Variants in THSD4 observed in about 807,000 individuals in gnomAD.
THSD4 encodes the protein thrombospondin type-1 domain-containing protein 4.
In THSD4, 69 loss-of-function variants were observed where a neutral mutation model predicts 119.0. The ratio of observed to expected loss-of-function variants is 0.58; its 90% CI spans 0.48 to 0.71. The LOEUF (loss-of-function observed/expected upper bound fraction) is 0.71, where lower values mean the gene tolerates loss of function less well. THSD4 is among the 30% of genes least tolerant of loss of function. THSD4 has a pLI of 0.00. For synonymous variants in THSD4, 524 were observed against 540.4 expected (o/e 0.97, Z 0.42); for missense variants, 1,393 against 1,391.1 (o/e 1.00, Z -0.02).
intron 7 of THSD4, chr15:71,547,129 T>C (rs1052911842): frequency 9.5e-7 from 1 of 1,056,728 alleles, no homozygotes; most frequent in Non-Finnish European, 1.2e-6. Context: ...GTCCCTCCCC[T>C]TTCTGCTTTC....
At chr15:71,482,809 A>G (rs2047753744) in intron 7 of THSD4, among the ~76,000 whole-genome samples, 1 of 141,676 alleles carries the variant, frequency 7.1e-6, no homozygotes, top group Admixed American at 7.2e-5. Flanking sequence ...CTGGTCTCAA[A>G]CTCCTGTCCT....
chr15:71,111,436 G>A, upstream of THSD4: 2 of 1,588,112 alleles, frequency 1.3e-6, no homozygotes, highest in Admixed American at 1.8e-5. Flanking sequence ...CCTGGAGGAG[G>A]AAGAAAAAGG....
chr15:71,730,428 G>A (rs2052954676), intron 9 of THSD4: 1 of 152,206 alleles, frequency 6.6e-6, no homozygotes, highest in Admixed American at 6.5e-5. Context: ...TATTCTGTTG[G>A]GCCATGCTCA....
chr15:71,131,094 C>G (rs2141361607), intron 1 of THSD4, among the ~76,000 whole-genome samples: 1 of 152,278 alleles, frequency 6.6e-6, no homozygotes, highest in East Asian at 1.9e-4. Context: ...CTCTAAGTAG[C>G]TGTGATACCT....
At chr15:71,138,970 T>TTCCCCCC (rs2040576688) in intron 1 of THSD4, among the ~76,000 whole-genome samples, 1 of 140,826 alleles carries the variant, frequency 7.1e-6, no homozygotes, top group African/African-American at 3.1e-5. Context: ...ACAAACAGTA[T>TTCCCCCC]CCCTCCCCCC....
intron 7 of THSD4, among the ~76,000 whole-genome samples, chr15:71,608,919 G>A (rs1447162395): frequency 1.3e-5 from 2 of 152,298 alleles, no homozygotes; most frequent in Non-Finnish European, 1.5e-5. Context: ...TTAGTAAGGC[G>A]GTCAGAACCA....
At chr15:71,286,674 G>A (rs1232863964) in intron 6 of THSD4, among the ~76,000 whole-genome samples, 1 of 152,198 alleles carries the variant, frequency 6.6e-6, no homozygotes, top group Admixed American at 6.5e-5. Context: ...ACCCAGTAAT[G>A]GGATTGCTGG....
At chr15:71,543,921 G>T (rs886728642) in intron 7 of THSD4, among the ~76,000 whole-genome samples, 2 of 152,158 alleles carry the variant, frequency 1.3e-5, no homozygotes, top group African/African-American at 4.8e-5. Context: ...CCAGCTACTC[G>T]GGAGGCTGAG....
intron 6 of THSD4, among the ~76,000 whole-genome samples, chr15:71,370,726 G>A (rs143399299): frequency 6.6e-6 from 1 of 152,304 alleles, no homozygotes; most frequent in African/African-American, 2.4e-5. Context: ...TAGAATAAGT[G>A]CAATGTGGTG....
At chr15:71,730,825 C>G in intron 9 of THSD4, 1 of 375,326 alleles carries the variant, frequency 2.7e-6, no homozygotes, top group South Asian at 2.8e-5. Context: ...AATCTAAGGA[C>G]AGAAAGGTTC....
At chr15:71,105,655 G>A (rs1463679591) in intron 1 of THSD4, among the ~76,000 whole-genome samples, 4 of 152,138 alleles carry the variant, frequency 2.6e-5, no homozygotes, top group Admixed American at 6.5e-5. Context: ...CCAGGACCAC[G>A]GACAAAGACC....
At chr15:71,750,939 A>C (rs1289891678) in intron 14 of THSD4, among the ~76,000 whole-genome samples, 1 of 152,232 alleles carries the variant, frequency 6.6e-6, no homozygotes, top group East Asian at 1.9e-4. Flanking sequence ...AATCCTCTGC[A>C]GTGCCCCTGA....
intron 8 of THSD4, among the ~76,000 whole-genome samples, chr15:71,685,925 T>C (rs1265401555): frequency 1.3e-5 from 2 of 152,246 alleles, no homozygotes; most frequent in African/African-American, 2.4e-5. Flanking sequence ...CTTTCAGATA[T>C]ACTTTTCCAA....
At chr15:71,496,748 G>C (rs2048023495) in intron 7 of THSD4, among the ~76,000 whole-genome samples, 1 of 152,202 alleles carries the variant, frequency 6.6e-6, no homozygotes, top group African/African-American at 2.4e-5. Flanking sequence ...TGTCCTTAGG[G>C]AGAAGGGGAG....
At chr15:71,326,994 C>T (rs1424945986) in intron 6 of THSD4, among the ~76,000 whole-genome samples, 2 of 151,502 alleles carry the variant, frequency 1.3e-5, no homozygotes, top group Admixed American at 1.3e-4. Flanking sequence ...ATGGTGAAAC[C>T]TTGTCTCTAC....
At chr15:71,547,236 A>G in intron 7 of THSD4, 1 of 1,395,870 alleles carries the variant, frequency 7.2e-7, no homozygotes, top group East Asian at 2.7e-5. Context: ...AGTTTTCTTC[A>G]GAACAGAGGC....
chr15:71,506,925 T>C (rs574732341), intron 7 of THSD4, among the ~76,000 whole-genome samples: 1 of 152,360 alleles, frequency 6.6e-6, no homozygotes, highest in East Asian at 1.9e-4. Flanking sequence ...TTAGTTTGGT[T>C]CATCTGTAAG....
intron 7 of THSD4, among the ~76,000 whole-genome samples, chr15:71,652,399 T>C (rs2051110050): frequency 6.6e-6 from 1 of 152,222 alleles, no homozygotes; most frequent in African/African-American, 2.4e-5. Context: ...TCTAGTATTC[T>C]ATACAAAAAT....
intron 6 of THSD4, among the ~76,000 whole-genome samples, chr15:71,296,351 G>A (rs1301147393): frequency 6.6e-6 from 1 of 152,124 alleles, no homozygotes. Flanking sequence ...GGTCTGGCAT[G>A]GGGCCCAGGA....
Sources: gnomAD v4.1 joint callset for allele counts (sites outside exome capture counted in the v4.1 genomes callset) on GRCh38, gnomAD v4.1.1 for gene constraint, MANE v1.5 for transcripts, NCBI Gene and HGNC (gene_info 2026-07-23, HGNC 2026-07-21) for gene names.